The following WDR33 variants were observed in gnomAD, a reference collection of about 807,000 sequenced individuals.
The protein encoded by WDR33 is WD repeat domain 33, also known as pre-mRNA 3' end processing protein WDR33.
Under a neutral mutation model 164.9 loss-of-function variants are expected in WDR33, and 47 were observed. The ratio of observed to expected loss-of-function variants is 0.29; its 90% CI spans 0.23 to 0.36. The LOEUF is 0.36. Among genes scored for constraint, WDR33 ranks in the 10% least tolerant of loss-of-function variants. The pLI is 1.00. For missense variants in WDR33, 1,137 were observed against 1,754.1 expected, an observed-to-expected ratio of 0.65 and a Z score of 6.28; for synonymous variants, 505 against 589.0, an observed-to-expected ratio of 0.86 and a Z score of 2.06.
In WDR33 at chr2:127,709,631, T is replaced by A; in HGVS notation, c.3473-49A>T. On this transcript the variant is annotated intron_variant, in intron 19 of 21. Coordinates refer to ENST00000322313, the MANE Select transcript of WDR33 (RefSeq NM_018383.5). This position sits in a 1 kb window ranked among gnomAD's most constrained non-coding sequence, Gnocchi z 5.0. ...TGCACTCAGACTGTTCCTGGTGTATTCACAACCAGTGTATTCTGCACCCTA... is the reference window on the plus strand; with the variant it reads ...TGCACTCAGACTGTTCCTGGTGTATACACAACCAGTGTATTCTGCACCCTA... 6.2e-7 allele frequency: 1 copy of A among 1,612,944 alleles called. No individual in the cohort carries two copies. Among genetic ancestry groups the A allele is most frequent in the Non-Finnish European group, 8.5e-7 (1 of 1,178,922 alleles).
In WDR33 at chr2:127,713,470, G is replaced by C. The variant is rs1686226284; in HGVS notation, c.3308+113C>G. The C allele has an allele frequency of 8.2e-7, 1 of 1,223,506 alleles. No homozygotes were observed. The highest frequency in any genetic ancestry group is 2.3e-5 in the East Asian group (1 of 42,960). 75.8% of individuals were successfully genotyped at this position (1,223,506 alleles called of 1,614,324 possible). A position where few individuals can be genotyped will look rare whatever the true frequency, so the allele number is the denominator to read the frequency against. On this transcript the variant is annotated intron_variant, in intron 18 of 21. Coordinates refer to ENST00000322313, the MANE Select transcript of WDR33 (RefSeq NM_018383.5). This position sits in a 1 kb window ranked among gnomAD's most constrained non-coding sequence, Gnocchi z 6.2. ...TGCAAACTCTACAGAGTGCAGGGCT[G>C]GTAATTGATATAATTCTCTTTCCTC... is the stretch of plus-strand genomic sequence containing the variant.
chr2:127,716,411 G>C lies in WDR33; in HGVS notation c.2869+744C>G, dbSNP rs900345169. Among the ~76,000 whole-genome samples the C allele has an allele frequency of 6.6e-6, 1 of 152,170 alleles. No individual in the cohort carries two copies. The stretch of plus-strand genomic sequence containing the variant: ...CCGAGTTGTGGTTTCTCCCCGTTAT[G>C]AAAGTGTGTGTCGAACATAACACAG... On this transcript the variant is annotated intron_variant, in intron 17 of 21. Coordinates refer to ENST00000322313, the MANE Select transcript of WDR33 (RefSeq NM_018383.5). The surrounding 1 kb of genome is among the most constrained non-coding windows in gnomAD (Gnocchi z 4.5).
intron 1 of WDR33, among the ~76,000 whole-genome samples, chr2:127,795,671 A>C (rs950323058): frequency 5.3e-5 from 8 of 151,620 alleles, no homozygotes; most frequent in Non-Finnish European, 1.0e-4. Context: ...AAAAAAAAAA[A>C]AACACCAAAA....
In WDR33 at chr2:127,707,675, GACAA is replaced by G. The variant is rs576611902; in HGVS notation, c.3781+998_3781+1001del. ...AGGTAATTTCTGAGGGTTTTGTTGA[GACAA>G]ACAACTATCAAGATCAAATGGCAGG... is the stretch of plus-strand genomic sequence containing the variant. On this transcript the variant is annotated intron_variant, in intron 21 of 21. Transcript: ENST00000322313. Among the ~76,000 whole-genome samples the G allele has an allele frequency of 2.7e-4, 41 of 152,336 alleles. No homozygotes were observed. In the South Asian group the frequency reaches 6.8e-3, roughly 25 times the overall value.
chr2:127,752,255 T>C (rs923681926), intron 7 of WDR33, among the ~76,000 whole-genome samples: 12 of 152,168 alleles, frequency 7.9e-5, no homozygotes, highest in African/African-American at 2.7e-4. Flanking sequence ...GGATAAAACC[T>C]GTTCTTACCC....
At chr2:127,754,758 A>G (rs1291585820) in intron 7 of WDR33, among the ~76,000 whole-genome samples, 1 of 152,066 alleles carries the variant, frequency 6.6e-6, no homozygotes. Flanking sequence ...AAAAATTTCC[A>G]TAATGAAATC....
Position 127,720,411 on chromosome 2 carries a change from G to C in WDR33, c.1672-58C>G. 7.4e-6 allele frequency: 11 copies of C among 1,478,860 alleles called. No individual in the cohort carries two copies. The highest frequency in any genetic ancestry group is 8.1e-6 in the Non-Finnish European group (9 of 1,117,134). 91.6% of individuals were successfully genotyped at this position (1,478,860 alleles called of 1,614,324 possible). A position where few individuals can be genotyped will look rare whatever the true frequency, so the allele number is the denominator to read the frequency against. On this transcript the variant is annotated intron_variant, in intron 15 of 21. Coordinates refer to ENST00000322313, the MANE Select transcript of WDR33 (RefSeq NM_018383.5). This position sits in a 1 kb window ranked among gnomAD's most constrained non-coding sequence, Gnocchi z 5.9. ...TAAACAGGCCAGAGCCCTTGAAGAT[G>C]ACAATATTGCTATCATGTATTCTGT...
rs757575624 is a variant in WDR33 at position 127,706,730 on chromosome 2, C to A, written c.3782-178G>T. The stretch of plus-strand genomic sequence containing the variant: ...CTCTACCCTTTCCTGACCCTGCCTC[C>A]CCCTTCCTGGCTCATGGCCATGGGC... On this transcript the variant is annotated intron_variant, in intron 21 of 21. Coordinates refer to ENST00000322313, the MANE Select transcript of WDR33 (RefSeq NM_018383.5). This position sits in a 1 kb window ranked among gnomAD's most constrained non-coding sequence, Gnocchi z 5.1. Among the ~76,000 whole-genome samples, 3 of 152,228 alleles carry A rather than the reference C, an allele frequency of 2.0e-5. No homozygotes were observed. Among genetic ancestry groups the A allele is most frequent in the Non-Finnish European group, 2.9e-5 (2 of 68,046 alleles).
In WDR33 at chr2:127,785,952, G is replaced by C. The variant is rs368714573; in HGVS notation, c.-23-14948C>G. On this transcript the variant is annotated intron_variant, in intron 1 of 21. Transcript: ENST00000322313. ...TCCAACTGGCAAAGTGAGAGTTCTT[G>C]CTGCTCCGTATCGTTGACAGCATTT... is the stretch of plus-strand genomic sequence containing the variant. Among the ~76,000 whole-genome samples, 7 of 152,338 alleles carry C rather than the reference G, an allele frequency of 4.6e-5. No individual in the cohort carries two copies. The South Asian group carries it at 1.0e-3, about 23-fold the overall frequency.
rs1686199883 is a variant in WDR33 at position 127,712,258 on chromosome 2, A to G, written c.3308+1325T>C. Among the ~76,000 whole-genome samples, 1 of 152,118 alleles carries G rather than the reference A, an allele frequency of 6.6e-6. No individual in the cohort carries two copies. The highest frequency in any genetic ancestry group is 2.1e-4 in the South Asian group (1 of 4,820). ...CTAAAAATACAAAAATTAGCCAGGC[A>G]AGGTGGTGTGAGCCTGTATCCCAGC... is the stretch of plus-strand genomic sequence containing the variant. On this transcript the variant is annotated intron_variant, in intron 18 of 21. Transcript: ENST00000322313. The surrounding 1 kb of genome is among the most constrained non-coding windows in gnomAD (Gnocchi z 4.0).
In WDR33 at chr2:127,768,386, G is replaced by A. The variant is rs533276427; in HGVS notation, c.274-93C>T. On this transcript the variant is annotated intron_variant, in intron 3 of 21. Transcript: ENST00000322313. ...CAAGGTAATTATTTCAACATTTAAA[G>A]ACAAATTTGGGACCATATAGAACTT... 279 of 672,584 alleles carry A rather than the reference G, an allele frequency of 4.1e-4. No individual in the cohort carries two copies. In the African/African-American group the frequency reaches 4.3e-3, roughly 10 times the overall value. The allele number at this position is 672,584 out of a possible 1,614,324, so 41.7% of individuals were successfully genotyped here. A position where few individuals can be genotyped will look rare whatever the true frequency, so the allele number is the denominator to read the frequency against.
intron 7 of WDR33, among the ~76,000 whole-genome samples, chr2:127,742,886 C>G (rs1293008513): frequency 6.9e-6 from 1 of 145,926 alleles, no homozygotes; most frequent in Non-Finnish European, 1.5e-5. Context: ...AAAAAAAACA[C>G]CCCTCAGAGA....
chr2:127,720,027 TGGCAACCCCTGG>T lies in WDR33; in HGVS notation c.1986_1997del (p.Gln663_Pro666del). On this transcript the variant is annotated inframe_deletion, in exon 16 of 22. Coordinates refer to ENST00000322313, the MANE Select transcript of WDR33 (RefSeq NM_018383.5). This position sits in a 1 kb window ranked among gnomAD's most constrained non-coding sequence, Gnocchi z 5.9. Reference sequence around the variant, plus strand: ...GGGGCCCATGCATGTCCTGAGGCCGTGGCAACCCCTGGGGCGGGCCCTGGGGCCCCTGTGGTC... The same window carrying T: ...GGGGCCCATGCATGTCCTGAGGCCGTGGCGGGCCCTGGGGCCCCTGTGGTC... The T allele has an allele frequency of 6.2e-7, 1 of 1,613,926 alleles. No individual in the cohort carries two copies. Among genetic ancestry groups the T allele is most frequent in the East Asian group, 2.2e-5 (1 of 44,874 alleles).
chr2:127,715,389 C>A (rs1163814834), intron 17 of WDR33, among the ~76,000 whole-genome samples: 2 of 152,134 alleles, frequency 1.3e-5, no homozygotes, highest in Non-Finnish European at 2.9e-5. Context: ...TGGCCCCTCC[C>A]TTTTCATTTT....
chr2:127,742,970 T>C (rs1045620952), intron 7 of WDR33, among the ~76,000 whole-genome samples: 1 of 151,834 alleles, frequency 6.6e-6, no homozygotes, highest in East Asian at 1.9e-4. Flanking sequence ...AGGATTATAT[T>C]TGAGTTATCA....
chr2:127,792,219 G>A (rs961046584), intron 1 of WDR33, among the ~76,000 whole-genome samples: 10 of 151,890 alleles, frequency 6.6e-5, no homozygotes, highest in Admixed American at 3.3e-4. Context: ...GATTACAAGC[G>A]TGAGCCACCA....
Position 127,711,770 on chromosome 2 carries a change from A to ATTTTTTTTTTTTTT in WDR33, c.3308+1812_3308+1813insAAAAAAAAAAAAAA, listed in dbSNP as rs1220888579. 1.7e-3 allele frequency among the ~76,000 whole-genome samples: 130 copies of ATTTTTTTTTTTTTT among 77,842 alleles called. 9 individuals are homozygous for ATTTTTTTTTTTTTT. The highest frequency in any genetic ancestry group is 2.5e-3 in the Non-Finnish European group (109 of 44,354). The allele number at this position is 77,842 out of a possible 152,430, so 51.1% of individuals were successfully genotyped here. On this transcript the variant is annotated intron_variant, in intron 18 of 21. Transcript: ENST00000322313. ...TATACAGATATATATATATATATAT[A>ATTTTTTTTTTTTTT]TATATATATATTTTTTTTTTGAGAC... is the stretch of plus-strand genomic sequence containing the variant.
chr2:127,793,281 A>C (rs1226997092), intron 1 of WDR33, among the ~76,000 whole-genome samples: 1 of 151,852 alleles, frequency 6.6e-6, no homozygotes, highest in African/African-American at 2.4e-5. Flanking sequence ...AAATATAAAA[A>C]TTAGCCGGGC....
chr2:127,702,739 TAAC>T lies in WDR33; in HGVS notation c.*3581_*3583del, dbSNP rs1458235338. The T allele has an allele frequency of 1.2e-5, 2 of 167,110 alleles. No homozygotes were observed. Among genetic ancestry groups the T allele is most frequent in the African/African-American group, 4.8e-5 (2 of 41,466 alleles). 10.4% of individuals were successfully genotyped at this position (167,110 alleles called of 1,614,324 possible). On this transcript the variant is annotated 3_prime_UTR_variant, in exon 22 of 22. Transcript: ENST00000322313. ...GTTTATCTCGGGTTTTTTCTTCAGT[TAAC>T]AAAATCATAAATATGGTGCCTTATA...
Sources: allele counts gnomAD v4.1 joint callset (sites outside exome capture counted in the v4.1 genomes callset), GRCh38; gene constraint gnomAD v4.1.1; non-coding constraint Gnocchi (gnomAD v3.1); transcripts MANE v1.5; gene names NCBI Gene and HGNC (gene_info 2026-07-23, HGNC 2026-07-21).